The following PFDN4 variants were observed in gnomAD, a reference collection of about 807,000 sequenced individuals.
PFDN4 encodes the protein prefoldin subunit 4, also known as prefoldin 4.
Under a neutral mutation model 17.6 loss-of-function variants are expected in PFDN4, and 6 were observed. That is an observed-to-expected ratio of 0.34 (90% CI 0.19 to 0.67). The LOEUF (loss-of-function observed/expected upper bound fraction) is 0.67. PFDN4 is among the 30% of genes least tolerant of loss of function. The pLI is 0.68. For synonymous variants in PFDN4, 48 were observed against 51.1 expected (o/e 0.94, Z 0.26); for missense variants, 119 against 158.4 (o/e 0.75, Z 1.33).
chr20:54,212,819 G>T (rs1185080256), intron 1 of PFDN4, among the ~76,000 whole-genome samples: 1 of 152,264 alleles, frequency 6.6e-6, no homozygotes, highest in Non-Finnish European at 1.5e-5. Context: ...TGTGTGCCAA[G>T]ATATAGACTT....
chr20:54,216,238 G>A (rs1261448561), intron 3 of PFDN4, among the ~76,000 whole-genome samples: 1 of 152,164 alleles, frequency 6.6e-6, no homozygotes, highest in African/African-American at 2.4e-5. Flanking sequence ...GAAATTTTCA[G>A]TTCACATGCC....
chr20:54,217,467 G>T (rs1373374723), intron 3 of PFDN4, among the ~76,000 whole-genome samples: 1 of 152,196 alleles, frequency 6.6e-6, no homozygotes, highest in African/African-American at 2.4e-5. Flanking sequence ...TGTCTTAGCA[G>T]GGGTCAGCAA....
At chr20:54,216,153 T>C (rs1453244810) in intron 3 of PFDN4, among the ~76,000 whole-genome samples, 1 of 152,078 alleles carries the variant, frequency 6.6e-6, no homozygotes, top group Non-Finnish European at 1.5e-5. Context: ...GAGGAAATAA[T>C]TAGAGAAATA....
In PFDN4 at chr20:54,217,804, A is replaced by C. The variant is rs148407418; in HGVS notation, c.274-1215A>C. Among the ~76,000 whole-genome samples the C allele has an allele frequency of 4.1e-4, 63 of 152,278 alleles. 1 individual carries two copies. The East Asian group carries it at 0.01, about 25-fold the overall frequency. On this transcript the variant is annotated intron_variant, in intron 3 of 3. Coordinates refer to ENST00000371419, the MANE Select transcript of PFDN4 (RefSeq NM_002623.4). ...GAATTTATCCCTTTCTAGTAGCCATATGTCTTATTTTTGTTTCTTGTTTTG... is the reference window on the plus strand; with the variant it reads ...GAATTTATCCCTTTCTAGTAGCCATCTGTCTTATTTTTGTTTCTTGTTTTG...
chr20:54,209,132 A>G (rs1175931461), intron 1 of PFDN4, among the ~76,000 whole-genome samples: 1 of 152,108 alleles, frequency 6.6e-6, no homozygotes, highest in Non-Finnish European at 1.5e-5. Flanking sequence ...TGTATTGTTT[A>G]TTTTATGTTC....
In PFDN4 at chr20:54,219,542, A is replaced by ATT; in HGVS notation, c.*393_*394insTT. 2 of 393,630 alleles carry ATT rather than the reference A, an allele frequency of 5.1e-6. No individual in the cohort carries two copies. The highest frequency in any genetic ancestry group is 8.9e-6 in the Non-Finnish European group (2 of 224,218). 24.4% of individuals were successfully genotyped at this position (393,630 alleles called of 1,614,324 possible). The stretch of plus-strand genomic sequence containing the variant: ...ATGACGGGGAAAGCACGATGAAAAG[A>ATT]TGTACAATCCTGCATCCTTGCTTAT... On this transcript the variant is annotated 3_prime_UTR_variant, in exon 4 of 4. Coordinates refer to ENST00000371419, the MANE Select transcript of PFDN4 (RefSeq NM_002623.4).
At chr20:54,218,485 C>T (rs575818539) in intron 3 of PFDN4, among the ~76,000 whole-genome samples, 7 of 152,222 alleles carry the variant, frequency 4.6e-5, no homozygotes, top group Admixed American at 2.0e-4. Flanking sequence ...TGAGTTTTCA[C>T]TGGGCAAAGC....
At chr20:54,216,099 C>T (rs1022736153) in intron 3 of PFDN4, among the ~76,000 whole-genome samples, 1 of 152,154 alleles carries the variant, frequency 6.6e-6, no homozygotes, top group Non-Finnish European at 1.5e-5. Flanking sequence ...TTACTGTGAG[C>T]ATTCTTCTAC....
chr20:54,215,352 A>G lies in PFDN4; in HGVS notation c.185A>G (p.Asp62Gly). Reference sequence around the variant, plus strand: ...TGTGATGACATCATGCTTGCAGATGATGATTGCTTAATGATACCTTATCAA... The same window carrying G: ...TGTGATGACATCATGCTTGCAGATGGTGATTGCTTAATGATACCTTATCAA... The part of the protein sequence containing the change: ...DACDDIMLAD[D>G]DCLMIPYQIG... The change falls in exon 3 of 4, where the codon GAT becomes GGT. Residue 62 changes from aspartate (D) to glycine (G), a missense_variant. Asp to Gly is a moderately conservative substitution (Grantham distance 94, BLOSUM62 -1). Coordinates refer to ENST00000371419, the MANE Select transcript of PFDN4 (RefSeq NM_002623.4). 6.2e-7 allele frequency: 1 copy of G among 1,603,904 alleles called. No individual in the cohort carries two copies. Among genetic ancestry groups the G allele is most frequent in the Non-Finnish European group, 8.5e-7 (1 of 1,172,674 alleles).
chr20:54,212,313 C>A (rs1400226023), intron 1 of PFDN4, among the ~76,000 whole-genome samples: 3 of 152,184 alleles, frequency 2.0e-5, no homozygotes, highest in Non-Finnish European at 2.9e-5. Context: ...GCACTGACAT[C>A]TTACTGTCTG....
intron 1 of PFDN4, among the ~76,000 whole-genome samples, chr20:54,211,464 A>C (rs1380949991): frequency 6.6e-6 from 1 of 152,244 alleles, no homozygotes; most frequent in Non-Finnish European, 1.5e-5. Context: ...ATGCTTAGCT[A>C]TCATTTGACT....
intron 1 of PFDN4, among the ~76,000 whole-genome samples, chr20:54,212,372 A>G (rs1040817164): frequency 3.9e-5 from 6 of 152,140 alleles, no homozygotes; most frequent in Non-Finnish European, 7.4e-5. Flanking sequence ...TGACTCACAC[A>G]TCAACTTTAG....
rs1488847217 is a variant in PFDN4 at position 54,215,347 on chromosome 20, A to G, written c.180A>G (p.Ala60=). ...ATGCTTGTGATGACATCATGCTTGCAGATGATGATTGCTTAATGATACCTT... is the reference window on the plus strand; with the variant it reads ...ATGCTTGTGATGACATCATGCTTGCGGATGATGATTGCTTAATGATACCTT... ...LEDACDDIML[A]DDDCLMIPYQ... Residue 60 remains alanine (A), a synonymous_variant, in exon 3 of 4, where the codon GCA becomes GCG. Coordinates refer to ENST00000371419, the MANE Select transcript of PFDN4 (RefSeq NM_002623.4). 6.2e-6 allele frequency: 10 copies of G among 1,601,758 alleles called. No homozygotes were observed. Among genetic ancestry groups the G allele is most frequent in the African/African-American group, 1.3e-5 (1 of 74,770 alleles).
chr20:54,219,243 T>C lies in PFDN4; in HGVS notation c.*93T>C. On this transcript the variant is annotated 3_prime_UTR_variant, in exon 4 of 4. Coordinates refer to ENST00000371419, the MANE Select transcript of PFDN4 (RefSeq NM_002623.4). Reference sequence around the variant, plus strand: ...CTTCAAATGACATGGAAAGCAAAACTTTCTTTTTTAAAAATTTTCATTTAT... The same window carrying C: ...CTTCAAATGACATGGAAAGCAAAACCTTCTTTTTTAAAAATTTTCATTTAT... The C allele has an allele frequency of 2.5e-6, 2 of 802,784 alleles. No homozygotes were observed. Among genetic ancestry groups the C allele is most frequent in the Non-Finnish European group, 3.7e-6 (2 of 543,470 alleles). The allele number at this position is 802,784 out of a possible 1,614,324, so 49.7% of individuals were successfully genotyped here.
chr20:54,208,403 G>C, intron 1 of PFDN4: 1 of 411,154 alleles, frequency 2.4e-6, no homozygotes, highest in South Asian at 5.5e-5. Context: ...GGTGCCCCCG[G>C]GGAGTCTGAG....
chr20:54,208,253 C>T (rs1271562342), intron 1 of PFDN4, 129 bp downstream of exon 1: 7 of 838,692 alleles, frequency 8.3e-6, no homozygotes, highest in East Asian at 3.4e-5. Context: ...AGGCCGAGGC[C>T]CTGAGAGCGG....
At chr20:54,218,172 A>T (rs926237486) in intron 3 of PFDN4, among the ~76,000 whole-genome samples, 4 of 131,382 alleles carry the variant, frequency 3.0e-5, no homozygotes, top group Admixed American at 1.5e-4. Flanking sequence ...AAGGAACTTA[A>T]TGGCTTTTTT....
intron 3 of PFDN4, among the ~76,000 whole-genome samples, chr20:54,216,813 C>T (rs1056972802): frequency 2.0e-5 from 3 of 152,078 alleles, no homozygotes; most frequent in Admixed American, 2.0e-4. Flanking sequence ...CCCACCACCA[C>T]GCCCAGCTAA....
At chr20:54,209,023 A>G (rs1263898547) in intron 1 of PFDN4, 3 of 152,234 alleles carry the variant, frequency 2.0e-5, no homozygotes, top group Non-Finnish European at 4.4e-5. Flanking sequence ...AAAGATAGTC[A>G]GATAGAAGAA....
Sources: gnomAD v4.1 joint callset for allele counts (sites outside exome capture counted in the v4.1 genomes callset) on GRCh38, gnomAD v4.1.1 for gene constraint, MANE v1.5 for transcripts, NCBI Gene and HGNC (gene_info 2026-07-23, HGNC 2026-07-21) for gene names.